The following CLNS1A variants were observed in gnomAD, a reference collection of about 807,000 sequenced individuals.
CLNS1A encodes the protein methylosome subunit pICln.
A neutral mutation model predicts 29.4 loss-of-function variants in CLNS1A; 16 were observed. The ratio of observed to expected loss-of-function variants is 0.54; its 90% confidence interval spans 0.37 to 0.83. The LOEUF (loss-of-function observed/expected upper bound fraction) is 0.83. Among genes scored for constraint, CLNS1A ranks in the 40% least tolerant of loss-of-function variants. The pLI, the probability that CLNS1A is intolerant of heterozygous loss-of-function variation, is 0.00. For missense variants in CLNS1A, 235 were observed against 287.4 expected, an observed-to-expected ratio of 0.82 and a Z score of 1.32; for synonymous variants, 96 against 104.8, an observed-to-expected ratio of 0.92 and a Z score of 0.51.
At chr11:77,629,039 T>C (rs993910407) in intron 2 of CLNS1A, among the ~76,000 whole-genome samples, 1 of 152,102 alleles carries the variant, frequency 6.6e-6, no homozygotes, top group African/African-American at 2.4e-5. Flanking sequence ...TGGAGGCCCA[T>C]GGAAAATATA....
rs1225193760 is a variant in CLNS1A, at chr11:77,625,811, T to C, written c.270A>G (p.Ser90=). The change falls in exon 3 of 7, where the codon TCA becomes TCG. Residue 90 remains serine (S), a synonymous_variant. Transcript: ENST00000525428. ...VMVNAKFEEE[S]KEPVADEEEE... Reference sequence around the variant, plus strand: ...CTTCTTCATCAGCAACAGGTTCTTTTGATTCTTCTAGAAAATAAAATACCC... The same window carrying C: ...CTTCTTCATCAGCAACAGGTTCTTTCGATTCTTCTAGAAAATAAAATACCC... 1.3e-6 allele frequency: 2 copies of C among 1,572,160 alleles called. No homozygotes were observed. Among genetic ancestry groups the C allele is most frequent in the Admixed American group, 3.4e-5 (2 of 59,590 alleles).
chr11:77,636,315 G>A, intron 1 of CLNS1A, among the ~76,000 whole-genome samples: 1 of 152,104 alleles, frequency 6.6e-6, no homozygotes, highest in Non-Finnish European at 1.5e-5. Context: ...CGATCTGCCT[G>A]CCTCAGCCTC....
intron 1 of CLNS1A, among the ~76,000 whole-genome samples, chr11:77,630,173 G>T (rs1959060494): frequency 6.6e-6 from 1 of 151,978 alleles, no homozygotes; most frequent in African/African-American, 2.4e-5. Flanking sequence ...TGACTTTCAT[G>T]CTTACTCTTT....
rs765092801 is a variant in CLNS1A, at chr11:77,629,791, C to A, written c.234G>T (p.Leu78Phe). 1 of 1,613,016 alleles carries A rather than the reference C, an allele frequency of 6.2e-7. No individual in the cohort carries two copies. Among genetic ancestry groups the A allele is most frequent in the East Asian group, 2.2e-5 (1 of 44,896 alleles). ...RDRSDCLGEH[L>F]YVMVNAKFEE... ...CAAATTTGGCATTCACCATAACATA[C>A]AAATGCTCTCCTAGACAGTCACTTC... Residue 78 changes from leucine (L) to phenylalanine (F), a missense_variant, in exon 2 of 7, where the codon TTG (leucine) becomes TTT (phenylalanine). Transcript: ENST00000525428.
intron 1 of CLNS1A, among the ~76,000 whole-genome samples, chr11:77,631,635 A>G (rs779660711): frequency 1.6e-4 from 25 of 152,186 alleles, no homozygotes; most frequent in Admixed American, 5.2e-4. Flanking sequence ...TATACTTTCA[A>G]AAGGCAAAAG....
intron 1 of CLNS1A, among the ~76,000 whole-genome samples, chr11:77,632,651 A>ACC (rs907659850): frequency 2.0e-5 from 3 of 152,120 alleles, no homozygotes; most frequent in Non-Finnish European, 4.4e-5. Flanking sequence ...AAGAAAAGAA[A>ACC]CCCTAGGTTT....
intron 5 of CLNS1A, among the ~76,000 whole-genome samples, chr11:77,620,590 G>A (rs1468954115): frequency 6.6e-6 from 1 of 152,188 alleles, no homozygotes; most frequent in Admixed American, 6.5e-5. Flanking sequence ...CCTGAGGTCA[G>A]GAGTTTGAGA....
chr11:77,625,144 G>T (rs898961686), intron 3 of CLNS1A, 74 bp from the exon 4 acceptor site: 2 of 1,045,992 alleles, frequency 1.9e-6, no homozygotes, highest in African/African-American at 1.6e-5. Flanking sequence ...TAAATTTAAT[G>T]GGTACACAAA....
At chr11:77,629,344 A>G (rs1959051033) in intron 2 of CLNS1A, among the ~76,000 whole-genome samples, 1 of 152,238 alleles carries the variant, frequency 6.6e-6, no homozygotes, top group African/African-American at 2.4e-5. Context: ...CTACTACCCA[A>G]AATGAGTCAA....
chr11:77,617,039 T>G (rs1958911284), intron 6 of CLNS1A, among the ~76,000 whole-genome samples: 1 of 152,180 alleles, frequency 6.6e-6, no homozygotes, highest in African/African-American at 2.4e-5. Context: ...TATTCCTTAT[T>G]CATTCTTTTA....
chr11:77,627,207 G>A (rs1385185544), intron 2 of CLNS1A, among the ~76,000 whole-genome samples: 2 of 151,434 alleles, frequency 1.3e-5, no homozygotes, highest in Non-Finnish European at 2.9e-5. Context: ...GCTGAGGTGG[G>A]TGGATCATGA....
At chr11:77,619,543 T>G (rs1958935964) in intron 6 of CLNS1A, 63 bp downstream of exon 6, 1 of 1,111,768 alleles carries the variant, frequency 9.0e-7, no homozygotes, top group Admixed American at 1.7e-5. Flanking sequence ...TTTTAAAAAG[T>G]AGAAAGTAAT....
Position 77,637,338 on chromosome 11 carries a change from G to GAAAAAAAAA in CLNS1A, c.125+243_125+251dup, listed in dbSNP as rs57598480. 8.4e-5 allele frequency among the ~76,000 whole-genome samples: 9 copies of GAAAAAAAAA among 107,362 alleles called. 1 individual carries two copies. The highest frequency in any genetic ancestry group is 1.1e-4 in the Non-Finnish European group (6 of 52,230). The allele number at this position is 107,362 out of a possible 152,430, so 70.4% of individuals were successfully genotyped here. A position where few individuals can be genotyped will look rare whatever the true frequency, so the allele number is the denominator to read the frequency against. On this transcript the variant is annotated intron_variant, in intron 1 of 6. Coordinates refer to ENST00000525428, the MANE Select transcript of CLNS1A (RefSeq NM_001293.3). ...CAGAGAAAGAGAAAGAGGAAAAAAA[G>GAAAAAAAAA]AAAAAAAAAAAAAAAAAGCACAATC...
chr11:77,624,257 C>G (rs1397920571), intron 4 of CLNS1A, among the ~76,000 whole-genome samples: 2 of 151,508 alleles, frequency 1.3e-5, no homozygotes, highest in African/African-American at 4.9e-5. Flanking sequence ...AGAGTGAGAC[C>G]CTGTTGCAAA....
intron 3 of CLNS1A, chr11:77,625,273 T>C (rs1168363822): frequency 1.8e-5 from 10 of 550,704 alleles, no homozygotes; most frequent in African/African-American, 7.7e-5. Context: ...AATCTCTTCA[T>C]GGCTCGTGGG....
chr11:77,626,045 C>T (rs928713283), intron 2 of CLNS1A, among the ~76,000 whole-genome samples: 8 of 152,042 alleles, frequency 5.3e-5, no homozygotes, highest in African/African-American at 1.7e-4. Context: ...GTGCTCCCTC[C>T]GCGCCTCACC....
chr11:77,621,350 A>G (rs1958956445), intron 5 of CLNS1A, among the ~76,000 whole-genome samples: 1 of 152,094 alleles, frequency 6.6e-6, no homozygotes, highest in Non-Finnish European at 1.5e-5. Flanking sequence ...ACACACACAA[A>G]AGGACACAAG....
intron 1 of CLNS1A, among the ~76,000 whole-genome samples, chr11:77,637,135 CAT>C (rs1379839708): frequency 1.3e-5 from 2 of 150,156 alleles, no homozygotes; most frequent in African/African-American, 4.9e-5. Flanking sequence ...GAGAGGGGAA[CAT>C]CTCCTGCATC....
intron 1 of CLNS1A, among the ~76,000 whole-genome samples, chr11:77,635,789 G>A (rs1238584527): frequency 7.2e-5 from 11 of 152,206 alleles, no homozygotes; most frequent in Admixed American, 7.2e-4. Context: ...ATGTATCTGT[G>A]CTCCATCTTC....
Sources: allele counts gnomAD v4.1 joint callset (sites outside exome capture counted in the v4.1 genomes callset), GRCh38; gene constraint gnomAD v4.1.1; transcripts MANE v1.5; gene names NCBI Gene and HGNC (gene_info 2026-07-23, HGNC 2026-07-21).